The following ANKRD12 variants were observed in gnomAD, a reference collection of about 807,000 sequenced individuals.
ANKRD12 encodes ankyrin repeat domain-containing protein 12.
Under a neutral mutation model 183.4 loss-of-function variants are expected in ANKRD12, and 85 were observed. The observed-to-expected ratio is 0.46, with a 90% confidence interval of 0.39 to 0.56. The LOEUF (loss-of-function observed/expected upper bound fraction) is 0.56. ANKRD12 is among the 20% of genes least tolerant of loss of function. The pLI is 0.00. For synonymous variants in ANKRD12, 914 were observed against 800.2 expected (o/e 1.14, Z -2.40); for missense variants, 2,405 against 2,357.1 (o/e 1.02, Z -0.42).
intron 8 of ANKRD12, among the ~76,000 whole-genome samples, chr18:9,247,943 C>T (rs1255165578): frequency 6.6e-6 from 1 of 152,044 alleles, no homozygotes; most frequent in African/African-American, 2.4e-5. Context: ...CCCCCCACCT[C>T]GCCTGCCTAA....
At chr18:9,155,349 T>A (rs550158162) in intron 1 of ANKRD12, among the ~76,000 whole-genome samples, 1 of 152,352 alleles carries the variant, frequency 6.6e-6, no homozygotes, top group South Asian at 2.1e-4. Flanking sequence ...AAATGCGCCA[T>A]AATTTGTTTA....
chr18:9,177,867 C>A (rs2033400126), intron 1 of ANKRD12, among the ~76,000 whole-genome samples: 1 of 152,138 alleles, frequency 6.6e-6, no homozygotes, highest in Non-Finnish European at 1.5e-5. Context: ...GGTTGCGCAT[C>A]TTTTCCTGTG....
intron 8 of ANKRD12, among the ~76,000 whole-genome samples, chr18:9,238,099 T>C (rs1055553732): frequency 6.6e-6 from 1 of 152,180 alleles, no homozygotes; most frequent in East Asian, 1.9e-4. Flanking sequence ...CTGTTGACCA[T>C]ATTCTTCCTA....
intron 8 of ANKRD12, among the ~76,000 whole-genome samples, chr18:9,233,431 A>T (rs1403310453): frequency 1.3e-5 from 2 of 151,328 alleles, no homozygotes; most frequent in East Asian, 1.9e-4. Flanking sequence ...TTTCTTTTTG[A>T]TTGGGATCTG....
intron 8 of ANKRD12, among the ~76,000 whole-genome samples, chr18:9,236,814 TA>T (rs761870667): frequency 2.0e-5 from 3 of 152,152 alleles, no homozygotes; most frequent in Non-Finnish European, 4.4e-5. Context: ...AAAACACACA[TA>T]TATACCCCTT....
At chr18:9,141,177 C>T (rs2078301436) in intron 1 of ANKRD12, among the ~76,000 whole-genome samples, 1 of 151,028 alleles carries the variant, frequency 6.6e-6, no homozygotes, top group Non-Finnish European at 1.5e-5. Context: ...GAACATAGGC[C>T]AGCAACCCTT....
intron 1 of ANKRD12, among the ~76,000 whole-genome samples, chr18:9,182,059 G>A (rs941156830): frequency 1.3e-5 from 2 of 152,080 alleles, no homozygotes; most frequent in African/African-American, 2.4e-5. Context: ...AAACTACAAG[G>A]GCATCGATTA....
chr18:9,243,529 A>G (rs2037778258), intron 8 of ANKRD12, among the ~76,000 whole-genome samples: 1 of 152,226 alleles, frequency 6.6e-6, no homozygotes, highest in Non-Finnish European at 1.5e-5. Context: ...GCAGCAGGGT[A>G]AGTTCCTAGT....
intron 11 of ANKRD12, among the ~76,000 whole-genome samples, chr18:9,277,321 CTTTTTTTTTTTTT>C (rs773999861): frequency 5.9e-5 from 5 of 84,654 alleles, no homozygotes; most frequent in South Asian, 4.6e-4. Flanking sequence ...CACCCTGTTT[CTTTTTTTTTTTTT>C]TTTTTTTTTT....
rs1317797546 is a variant in ANKRD12, at chr18:9,258,497, G to A, written c.5230G>A (p.Ala1744Thr). The A allele has an allele frequency of 1.2e-6, 2 of 1,613,676 alleles. No homozygotes were observed. The highest frequency in any genetic ancestry group is 2.2e-5 in the East Asian group (1 of 44,850). Residue 1744 changes from alanine to threonine, a missense_variant, in exon 9 of 13, where the codon GCA becomes ACA. By Grantham distance (58) the Ala-to-Thr change is moderately conservative (BLOSUM62 0). Transcript: ENST00000262126. ...RMTRNKANTM[A>T]NQSKQILASC... ...GACTAGAAACAAAGCAAATACAATG[G>A]CAAATCAAAGCAAACAGATTCTTGC...
chr18:9,161,094 CTG>C (rs751741395), intron 1 of ANKRD12, among the ~76,000 whole-genome samples: 4 of 151,440 alleles, frequency 2.6e-5, no homozygotes, highest in African/African-American at 4.8e-5. Flanking sequence ...TTGCCTTGGC[CTG>C]TGTGTGTGTG....
intron 8 of ANKRD12, among the ~76,000 whole-genome samples, chr18:9,230,085 T>G (rs1402117600): frequency 6.6e-6 from 1 of 152,194 alleles, no homozygotes; most frequent in Non-Finnish European, 1.5e-5. Context: ...TTTGTACTTC[T>G]TTGTGGTAAT....
chr18:9,137,677 G>C (rs187188430), intron 1 of ANKRD12: 13 of 152,332 alleles, frequency 8.5e-5, no homozygotes, highest in African/African-American at 3.1e-4. Flanking sequence ...CCACTCTACA[G>C]TTCTGTCTTA....
intron 1 of ANKRD12, among the ~76,000 whole-genome samples, chr18:9,148,809 G>A (rs1167443814): frequency 2.0e-5 from 3 of 152,066 alleles, no homozygotes; most frequent in East Asian, 1.9e-4. Context: ...CACACTACTC[G>A]AATTATGTCA....
rs910663438 is a variant in ANKRD12 at position 9,239,545 on chromosome 18, C to A, written c.944-14666C>A. 3.9e-6 allele frequency: 5 copies of A among 1,280,212 alleles called. No individual in the cohort carries two copies. In the African/African-American group the frequency reaches 7.6e-5, roughly 20 times the overall value. The allele number at this position is 1,280,212 out of a possible 1,614,324, so 79.3% of individuals were successfully genotyped here. ...GGTCAAAGTCCCTCAAGGAATGATA[C>A]AAAAATCATCAGTAAGTATCATATA... On this transcript the variant is annotated intron_variant, in intron 8 of 12. Transcript: ENST00000262126.
At chr18:9,239,374 A>G (rs1459735401) in intron 8 of ANKRD12, 2 of 255,568 alleles carry the variant, frequency 7.8e-6, no homozygotes, top group Non-Finnish European at 1.3e-5. Flanking sequence ...TTTTATTTCA[A>G]CTTACATGTT....
chr18:9,196,735 AC>A (rs2034849474), intron 3 of ANKRD12, among the ~76,000 whole-genome samples: 1 of 152,144 alleles, frequency 6.6e-6, no homozygotes, highest in Non-Finnish European at 1.5e-5. Context: ...TTGTTCTTAA[AC>A]ACTCATGACA....
Position 9,284,896 on chromosome 18 carries a change from A to G in ANKRD12, c.*3770A>G, listed in dbSNP as rs1241113017. 6.6e-6 allele frequency: 1 copy of G among 152,362 alleles called. No individual in the cohort carries two copies. The highest frequency in any genetic ancestry group is 1.9e-4 in the East Asian group (1 of 5,190). The allele number at this position is 152,362 out of a possible 1,614,324, so 9.4% of individuals were successfully genotyped here. A position where few individuals can be genotyped will look rare whatever the true frequency, so the allele number is the denominator to read the frequency against. ...CAAATAAAAGTTTTTTTGTACATGG[A>G]CAGCGTCCTCATAAAAGAAAATAGG... On this transcript the variant is annotated 3_prime_UTR_variant, in exon 13 of 13. Coordinates refer to ENST00000262126, the MANE Select transcript of ANKRD12 (RefSeq NM_015208.5).
At chr18:9,204,363 C>A in intron 3 of ANKRD12, 113 bp from the exon 4 acceptor site, 1 of 743,660 alleles carries the variant, frequency 1.3e-6, no homozygotes, top group African/African-American at 1.8e-5. Flanking sequence ...AATCTTTTGG[C>A]AAAACAATAA....
Sources: allele counts gnomAD v4.1 joint callset (sites outside exome capture counted in the v4.1 genomes callset), GRCh38; gene constraint gnomAD v4.1.1; transcripts MANE v1.5; gene names NCBI Gene and HGNC (gene_info 2026-07-23, HGNC 2026-07-21).